ZNF503: variants seen among roughly 807,000 people sequenced by gnomAD.
ZNF503 encodes the protein zinc finger protein 503.
Under a neutral mutation model 34.4 loss-of-function variants are expected in ZNF503, and 15 were observed. The observed-to-expected ratio is 0.44, with a 90% CI of 0.29 to 0.67. The LOEUF (loss-of-function observed/expected upper bound fraction) is 0.67, where lower values mean the gene tolerates loss of function less well. ZNF503 is among the 30% of genes least tolerant of loss of function. The pLI, the probability that ZNF503 is intolerant of heterozygous loss-of-function variation, is 0.13. For synonymous variants in ZNF503, 580 were observed against 456.8 expected (o/e 1.27, Z -3.44); for missense variants, 1,007 against 926.8 (o/e 1.09, Z -1.12).
the ZNF503 span, among the ~76,000 whole-genome samples, chr10:75,369,168 G>A: frequency 3.3e-5 from 5 of 152,258 alleles, no homozygotes; most frequent in Non-Finnish European, 4.4e-5. Context: ...AATAAAACAC[G>A]GGTATAGAAA....
the ZNF503 span, among the ~76,000 whole-genome samples, chr10:75,367,191 C>T: frequency 2.0e-5 from 3 of 152,106 alleles, no homozygotes; most frequent in Admixed American, 6.6e-5. Context: ...ATTTCCCTCC[C>T]CCAGCTCAGG....
chr10:75,304,976 G>A, the ZNF503 span, among the ~76,000 whole-genome samples: 18 of 152,130 alleles, frequency 1.2e-4, no homozygotes, highest in African/African-American at 3.9e-4. Context: ...AAGGTCTTAG[G>A]CTTAGATGAA....
the ZNF503 span, chr10:75,343,160 AG>A: frequency 6.6e-6 from 1 of 152,228 alleles, no homozygotes; most frequent in Non-Finnish European, 1.5e-5. Flanking sequence ...AGAACTGAGA[AG>A]GCATGCTCAC....
chr10:75,362,630 C>T, the ZNF503 span, among the ~76,000 whole-genome samples: 2 of 152,156 alleles, frequency 1.3e-5, no homozygotes, highest in East Asian at 1.9e-4. Context: ...GGTTTGCATG[C>T]CATAAAACAT....
the ZNF503 span, among the ~76,000 whole-genome samples, chr10:75,317,330 T>G: frequency 1.5e-5 from 2 of 134,302 alleles, no homozygotes; most frequent in Non-Finnish European, 3.0e-5. Flanking sequence ...CAGGCTGGAG[T>G]GCAGTGGCAC....
the ZNF503 span, among the ~76,000 whole-genome samples, chr10:75,332,566 C>T: frequency 7.0e-6 from 1 of 142,728 alleles, no homozygotes; most frequent in Non-Finnish European, 1.5e-5. Flanking sequence ...GAGGGAAGGT[C>T]AGCAGATAAA....
the ZNF503 span, among the ~76,000 whole-genome samples, chr10:75,302,884 C>A: frequency 1.3e-5 from 2 of 152,110 alleles, no homozygotes; most frequent in African/African-American, 4.8e-5. Context: ...GGGGTGTGGG[C>A]AGTTATAGAC....
At chr10:75,372,557 C>T in the ZNF503 span, among the ~76,000 whole-genome samples, 2 of 152,184 alleles carry the variant, frequency 1.3e-5, no homozygotes, top group Middle Eastern at 3.2e-3. Context: ...CTCAGCCTGG[C>T]CAGGGTGGCC....
At chr10:75,328,828 C>T in the ZNF503 span, among the ~76,000 whole-genome samples, 24 of 147,288 alleles carry the variant, frequency 1.6e-4, no homozygotes, top group African/African-American at 5.3e-4. Context: ...CTCACTGCAA[C>T]CTCTGCCTCC....
At chr10:75,365,373 C>T in the ZNF503 span, among the ~76,000 whole-genome samples, 1 of 152,194 alleles carries the variant, frequency 6.6e-6, no homozygotes, top group African/African-American at 2.4e-5. Context: ...GTCTCAAACC[C>T]CTGACCTTGT....
chr10:75,394,466 T>G (rs1843675522), downstream of ZNF503, among the ~76,000 whole-genome samples: 1 of 152,244 alleles, frequency 6.6e-6, no homozygotes, highest in South Asian at 2.1e-4. Flanking sequence ...GCCGATGACC[T>G]GACAGGGGAT....
At chr10:75,356,549 C>T in the ZNF503 span, among the ~76,000 whole-genome samples, 376 of 152,336 alleles carry the variant, frequency 2.5e-3, 3 homozygotes, top group African/African-American at 8.3e-3. Context: ...TCACGTAGCT[C>T]ATCTGCCTAG....
At chr10:75,319,704 G>A in the ZNF503 span, among the ~76,000 whole-genome samples, 2 of 152,256 alleles carry the variant, frequency 1.3e-5, no homozygotes, top group East Asian at 1.9e-4. Flanking sequence ...TGGCTAAACA[G>A]ATTTTAAAAT....
the ZNF503 span, among the ~76,000 whole-genome samples, chr10:75,351,448 C>A: frequency 3.5e-4 from 54 of 152,136 alleles, no homozygotes; most frequent in South Asian, 1.9e-3. Context: ...CTGGGATTAC[C>A]GGTGTGAGTC....
At chr10:75,317,264 C>CTTTTTTTTTTTT in the ZNF503 span, among the ~76,000 whole-genome samples, 2 of 74,724 alleles carry the variant, frequency 2.7e-5, no homozygotes, top group African/African-American at 5.4e-5. Context: ...CATCCCACGT[C>CTTTTTTTTTTTT]TTTTTTTTTT....
the ZNF503 span, among the ~76,000 whole-genome samples, chr10:75,359,279 C>T: frequency 7.2e-5 from 11 of 152,356 alleles, no homozygotes; most frequent in East Asian, 1.7e-3. Context: ...TGGGCCCAGC[C>T]CCAGCACAGT....
At chr10:75,375,591 A>C in the ZNF503 span, among the ~76,000 whole-genome samples, 1 of 152,044 alleles carries the variant, frequency 6.6e-6, no homozygotes, top group Non-Finnish European at 1.5e-5. Context: ...GTCTCAGCTC[A>C]CTGCAACCTC....
At chr10:75,351,897 AC>A in the ZNF503 span, among the ~76,000 whole-genome samples, 803 of 152,202 alleles carry the variant, frequency 5.3e-3, 6 homozygotes, top group African/African-American at 0.017. Context: ...TCCCCATTTT[AC>A]AAATGGGGAA....
At chr10:75,385,685 T>C in the ZNF503 span, among the ~76,000 whole-genome samples, 3 of 152,200 alleles carry the variant, frequency 2.0e-5, no homozygotes, top group Admixed American at 1.3e-4. Context: ...TCCCATGGCA[T>C]CACTTCCACT....
Sources: allele counts gnomAD v4.1 joint callset (sites outside exome capture counted in the v4.1 genomes callset), GRCh38; gene constraint gnomAD v4.1.1; transcripts MANE v1.5; gene names NCBI Gene and HGNC (gene_info 2026-07-23, HGNC 2026-07-21).